PHF3: variants seen among roughly 807,000 people sequenced by gnomAD.
PHF3 encodes PHD finger protein 3.
PHF3 carries 41 observed loss-of-function variants against 178.4 expected under a neutral mutation model. The ratio of observed to expected loss-of-function variants is 0.23; its 90% CI spans 0.18 to 0.30. The LOEUF is 0.30. Among genes scored for constraint, PHF3 ranks in the 10% least tolerant of loss-of-function variants. PHF3 has a pLI of 1.00. For missense variants in PHF3, 2,346 were observed against 2,398.1 expected, an observed-to-expected ratio of 0.98 and a Z score of 0.45; for synonymous variants, 842 against 800.5, an observed-to-expected ratio of 1.05 and a Z score of -0.88.
chr6:63,701,414 G>A (rs1370579066), intron 9 of PHF3, among the ~76,000 whole-genome samples: 1 of 152,094 alleles, frequency 6.6e-6, no homozygotes, highest in Non-Finnish European at 1.5e-5. Context: ...GAACTTAAAG[G>A]TATTTAAAGT....
In PHF3 at chr6:63,685,557, A is replaced by G; in HGVS notation, c.1835A>G (p.His612Arg). 1 of 1,614,102 alleles carries G rather than the reference A, an allele frequency of 6.2e-7. No homozygotes were observed. The highest frequency in any genetic ancestry group is 8.5e-7 in the Non-Finnish European group (1 of 1,179,998). ...AHPGCLKEPH[H>R]PAQTGHVSHS... Reference sequence around the variant, plus strand: ...CCTGGTTGCTTGAAAGAACCTCATCATCCTGCACAAACTGGACATGTATCA... The same window carrying G: ...CCTGGTTGCTTGAAAGAACCTCATCGTCCTGCACAAACTGGACATGTATCA... The change falls in exon 4 of 16, where the codon CAT (histidine) becomes CGT (arginine). Residue 612 changes from histidine to arginine, a missense_variant. Physicochemically the swap from His to Arg is conservative, Grantham distance 29. Coordinates refer to ENST00000262043, the MANE Select transcript of PHF3 (RefSeq NM_001370348.2).
intron 2 of PHF3, among the ~76,000 whole-genome samples, chr6:63,666,842 C>T (rs1359542799): frequency 1.3e-5 from 2 of 151,466 alleles, no homozygotes; most frequent in Non-Finnish European, 2.9e-5. Flanking sequence ...CTGTCTGCCT[C>T]CCGGGTTCAA....
In PHF3 at chr6:63,702,435, CTTA is replaced by C. The variant is rs1767514146; in HGVS notation, c.3100-67_3100-65del. ...TGATTTGTTTATTTTTAGGTAAGCT[CTTA>C]TTATTTAAGGTGTACACTTGGAAAT... On this transcript the variant is annotated intron_variant, in intron 9 of 15. Transcript: ENST00000262043. 43 of 1,012,772 alleles carry C rather than the reference CTTA, an allele frequency of 4.2e-5. No homozygotes were observed. The South Asian group carries it at 8.5e-4, about 20-fold the overall frequency. 62.7% of individuals were successfully genotyped at this position (1,012,772 alleles called of 1,614,324 possible). A position where few individuals can be genotyped will look rare whatever the true frequency, so the allele number is the denominator to read the frequency against.
chr6:63,688,185 C>CAA (rs1212338768), intron 4 of PHF3, among the ~76,000 whole-genome samples: 3 of 62,164 alleles, frequency 4.8e-5, no homozygotes, highest in African/African-American at 1.4e-4. Flanking sequence ...GACTCCGTCT[C>CAA]AAAAAAAAAA....
chr6:63,655,309 TC>T (rs1209753855), intron 2 of PHF3, among the ~76,000 whole-genome samples: 5 of 152,148 alleles, frequency 3.3e-5, no homozygotes, highest in African/African-American at 1.2e-4. Flanking sequence ...ACTCCTGACT[TC>T]AGGTGATCCA....
chr6:63,650,035 T>C (rs941504131), intron 2 of PHF3, among the ~76,000 whole-genome samples: 24 of 152,238 alleles, frequency 1.6e-4, no homozygotes, highest in Non-Finnish European at 1.5e-5. Context: ...TTCATAAGTG[T>C]GGAACAATCT....
At chr6:63,675,896 C>A (rs1406102838) in intron 2 of PHF3, among the ~76,000 whole-genome samples, 1 of 152,170 alleles carries the variant, frequency 6.6e-6, no homozygotes, top group Non-Finnish European at 1.5e-5. Flanking sequence ...CTTCTTAACT[C>A]CTTCTCATCT....
At chr6:63,709,562 C>T (rs1226134766) in intron 14 of PHF3, among the ~76,000 whole-genome samples, 2 of 152,094 alleles carry the variant, frequency 1.3e-5, no homozygotes, top group Admixed American at 6.6e-5. Context: ...AGTTAGGGCA[C>T]AGCTAAGCTA....
chr6:63,677,837 CTA>C (rs953141407), intron 2 of PHF3, among the ~76,000 whole-genome samples: 2 of 152,066 alleles, frequency 1.3e-5, no homozygotes, highest in African/African-American at 2.4e-5. Flanking sequence ...AATGCATATA[CTA>C]TATATATATG....
intron 2 of PHF3, among the ~76,000 whole-genome samples, chr6:63,677,529 C>T (rs543568024): frequency 3.9e-5 from 6 of 152,112 alleles, no homozygotes; most frequent in African/African-American, 7.2e-5. Context: ...ATTTGGCTTG[C>T]GAAATCCTGT....
chr6:63,706,913 G>T, intron 13 of PHF3, 37 bp downstream of exon 13: 1 of 1,578,658 alleles, frequency 6.3e-7, no homozygotes, highest in South Asian at 1.1e-5. Flanking sequence ...TGCATGAATT[G>T]ATAATGTGTG....
At chr6:63,663,997 A>T (rs867774861) in intron 2 of PHF3, among the ~76,000 whole-genome samples, 8 of 152,302 alleles carry the variant, frequency 5.3e-5, no homozygotes, top group African/African-American at 1.4e-4. Context: ...CTCATCTATC[A>T]GTAAGGTAGA....
intron 1 of PHF3, among the ~76,000 whole-genome samples, chr6:63,638,205 C>G (rs981497863): frequency 6.6e-6 from 1 of 152,070 alleles, no homozygotes; most frequent in African/African-American, 2.4e-5. Context: ...TTGGAATCCA[C>G]TAGGAAAGTT....
chr6:63,653,236 C>T (rs1765096857), intron 2 of PHF3, among the ~76,000 whole-genome samples: 1 of 147,680 alleles, frequency 6.8e-6, no homozygotes, highest in South Asian at 2.1e-4. Context: ...AATATTGTTA[C>T]TGGTATTTTG....
At position 63,715,382 on chromosome 6, in the gene PHF3, T is replaced by C. The variant is rs1768156050; in HGVS notation, c.*1674T>C. On this transcript the variant is annotated 3_prime_UTR_variant, in exon 16 of 16. Transcript: ENST00000262043. ...AAACAAAACAAAATCTAAGTTATAA[T>C]TTGCACCATTACAAAGAAATTGCTG... 6.6e-6 allele frequency: 1 copy of C among 152,168 alleles called. No individual in the cohort carries two copies. Among genetic ancestry groups the C allele is most frequent in the Non-Finnish European group, 1.5e-5 (1 of 68,022 alleles). 9.4% of individuals were successfully genotyped at this position (152,168 alleles called of 1,614,324 possible).
chr6:63,721,180 T>A lies in PHF3; in HGVS notation c.*7472T>A, dbSNP rs1186427936. The A allele has an allele frequency of 6.4e-7, 1 of 1,551,550 alleles. No homozygotes were observed. Among genetic ancestry groups the A allele is most frequent in the Non-Finnish European group, 8.7e-7 (1 of 1,146,920 alleles). ...AATTTTGCAGTTGAAAATGAAGTTTTGTTTTCACAATACCTTCCCACCCAA... is the reference window on the plus strand; with the variant it reads ...AATTTTGCAGTTGAAAATGAAGTTTAGTTTTCACAATACCTTCCCACCCAA... On this transcript the variant is annotated 3_prime_UTR_variant, in exon 16 of 16. Transcript: ENST00000262043.
At chr6:63,708,550 G>T (rs1767791961) in intron 13 of PHF3, among the ~76,000 whole-genome samples, 1 of 152,106 alleles carries the variant, frequency 6.6e-6, no homozygotes, top group Non-Finnish European at 1.5e-5. Flanking sequence ...TATCAATTAT[G>T]TTTTTATGAT....
chr6:63,680,435 A>G (rs1236221247), intron 3 of PHF3, among the ~76,000 whole-genome samples: 1 of 58,640 alleles, frequency 1.7e-5, no homozygotes, highest in South Asian at 4.2e-4. Context: ...ATTTACCTTT[A>G]TAGCTCTAGG....
chr6:63,645,415 G>T (rs1262700742), intron 1 of PHF3, among the ~76,000 whole-genome samples: 1 of 152,054 alleles, frequency 6.6e-6, no homozygotes, highest in Non-Finnish European at 1.5e-5. Flanking sequence ...TATAAATGTT[G>T]GTTAAATGTT....
Sources: allele counts gnomAD v4.1 joint callset (sites outside exome capture counted in the v4.1 genomes callset), GRCh38; gene constraint gnomAD v4.1.1; transcripts MANE v1.5; gene names NCBI Gene and HGNC (gene_info 2026-07-23, HGNC 2026-07-21).